Variants in RGS6 observed in about 807,000 individuals in gnomAD.
RGS6 encodes regulator of G protein signaling 6.
Under a neutral mutation model 78.5 loss-of-function variants are expected in RGS6, and 30 were observed. The ratio of observed to expected loss-of-function variants is 0.38; its 90% confidence interval spans 0.29 to 0.52. The LOEUF (loss-of-function observed/expected upper bound fraction) is 0.52. RGS6 is among the 20% of genes least tolerant of loss of function. The pLI is 0.85. For synonymous variants in RGS6, 206 were observed against 206.0 expected, an observed-to-expected ratio of 1.00 and a Z score of 0.00; for missense variants, 495 against 609.7, an observed-to-expected ratio of 0.81 and a Z score of 1.98.
intron 14 of RGS6, among the ~76,000 whole-genome samples, chr14:72,517,135 TA>T (rs34414996): frequency 0.019 from 2,660 of 142,256 alleles, 65 homozygotes; most frequent in African/African-American, 0.06. Flanking sequence ...TGTTTAACCC[TA>T]AAAAAAAAAA....
At position 72,388,255 on chromosome 14, in the gene RGS6, TATATACAC is replaced by T. The variant is rs1363910219; in HGVS notation, c.184+36075_184+36082del. Among the ~76,000 whole-genome samples, 8 of 152,292 alleles carry T rather than the reference TATATACAC, an allele frequency of 5.3e-5. No individual in the cohort carries two copies. In the East Asian group the frequency reaches 9.6e-4, roughly 18 times the overall value. On this transcript the variant is annotated intron_variant, in intron 3 of 17. Transcript: ENST00000553525. ...GAAAACACACACACATACACATATA[TATATACAC>T]ATATACACATATATATACACATATG... is the stretch of plus-strand genomic sequence containing the variant.
At position 72,459,800 on chromosome 14, in the gene RGS6, T is replaced by C. The variant is rs891232533; in HGVS notation, c.394+117T>C. ...GGTACATGGGGAGGAGGGTCCTTTC[T>C]GCTTAGTCCTTTCTCATATTGTTGC... On this transcript the variant is annotated intron_variant, in intron 6 of 17. Coordinates refer to ENST00000553525, the MANE Select transcript of RGS6 (RefSeq NM_001204424.2). 3 of 968,338 alleles carry C rather than the reference T, an allele frequency of 3.1e-6. No individual in the cohort carries two copies. The East Asian group carries it at 7.2e-5, about 23-fold the overall frequency. 60.0% of individuals were successfully genotyped at this position (968,338 alleles called of 1,614,324 possible).
At chr14:72,612,288 G>A in the RGS6 span, among the ~76,000 whole-genome samples, 1 of 152,144 alleles carries the variant, frequency 6.6e-6, no homozygotes, top group South Asian at 2.1e-4. Context: ...AATGCCATGT[G>A]GACCAGACGC....
chr14:72,257,279 C>T (rs2057276991), intron 2 of RGS6, among the ~76,000 whole-genome samples: 1 of 152,168 alleles, frequency 6.6e-6, no homozygotes, highest in Non-Finnish European at 1.5e-5. Flanking sequence ...TTAAAGCAGG[C>T]TCATTATTTC....
chr14:72,043,765 T>A (rs1049821147), intron 2 of RGS6, among the ~76,000 whole-genome samples: 5 of 152,230 alleles, frequency 3.3e-5, no homozygotes, highest in African/African-American at 1.2e-4. Flanking sequence ...GGTATTTTGG[T>A]GTCTGTCATT....
chr14:72,230,900 G>T (rs983604834), intron 2 of RGS6, among the ~76,000 whole-genome samples: 1 of 152,128 alleles, frequency 6.6e-6, no homozygotes, highest in African/African-American at 2.4e-5. Context: ...ACTGGGTACC[G>T]TAGCCTTGCC....
the RGS6 span, among the ~76,000 whole-genome samples, chr14:72,595,380 A>G: frequency 6.6e-6 from 1 of 152,136 alleles, no homozygotes; most frequent in South Asian, 2.1e-4. Context: ...GGTAAGATGA[A>G]CTGTCCAAAG....
chr14:72,072,945 G>T (rs1321060243), intron 2 of RGS6, among the ~76,000 whole-genome samples: 1 of 152,192 alleles, frequency 6.6e-6, no homozygotes. Flanking sequence ...ACTCCCATAA[G>T]CTCTGATTTA....
chr14:72,556,177 A>G (rs2097572090), intron 17 of RGS6, among the ~76,000 whole-genome samples: 1 of 152,230 alleles, frequency 6.6e-6, no homozygotes, highest in South Asian at 2.1e-4. Context: ...GAAATACCTG[A>G]GACTGGGTAA....
intron 2 of RGS6, among the ~76,000 whole-genome samples, chr14:72,014,229 T>C (rs2086479267): frequency 6.6e-6 from 1 of 152,196 alleles, no homozygotes; most frequent in Non-Finnish European, 1.5e-5. Context: ...TGTTGACAGT[T>C]AAGAGAGGAA....
intron 2 of RGS6, among the ~76,000 whole-genome samples, chr14:72,280,765 C>T (rs1446238335): frequency 6.6e-6 from 1 of 152,196 alleles, no homozygotes; most frequent in Non-Finnish European, 1.5e-5. Flanking sequence ...CATGCTGAAA[C>T]AGAGGTTACT....
intron 3 of RGS6, among the ~76,000 whole-genome samples, chr14:72,414,935 G>C (rs2093692873): frequency 6.6e-6 from 1 of 152,194 alleles, no homozygotes; most frequent in African/African-American, 2.4e-5. Context: ...GGGAGTACCT[G>C]GTTGTGTGAG....
chr14:72,197,127 A>G (rs927868051), intron 2 of RGS6, among the ~76,000 whole-genome samples: 9 of 152,246 alleles, frequency 5.9e-5, no homozygotes, highest in African/African-American at 2.2e-4. Flanking sequence ...GTGCAGTGGC[A>G]CAATCTTGGC....
At chr14:72,237,004 C>A (rs1302973692) in intron 2 of RGS6, among the ~76,000 whole-genome samples, 3 of 152,174 alleles carry the variant, frequency 2.0e-5, no homozygotes, top group Non-Finnish European at 4.4e-5. Context: ...AACCCATGTT[C>A]TGATTTTTTT....
intron 2 of RGS6, among the ~76,000 whole-genome samples, chr14:72,219,577 T>A (rs1327658573): frequency 6.6e-6 from 1 of 152,190 alleles, no homozygotes; most frequent in Non-Finnish European, 1.5e-5. Context: ...TGACTTAATT[T>A]TTTTCTCATC....
the RGS6 span, among the ~76,000 whole-genome samples, chr14:72,605,295 C>G: frequency 6.6e-6 from 1 of 152,194 alleles, no homozygotes; most frequent in Admixed American, 6.5e-5. Flanking sequence ...GGAGCAGGAG[C>G]AGGAGGAGGG....
At chr14:72,392,876 G>A (rs1190487455) in intron 3 of RGS6, among the ~76,000 whole-genome samples, 1 of 152,124 alleles carries the variant, frequency 6.6e-6, no homozygotes, top group Non-Finnish European at 1.5e-5. Flanking sequence ...AGTTGTACCG[G>A]GAAAAACTGA....
chr14:72,585,467 G>A, the RGS6 span, among the ~76,000 whole-genome samples: 1 of 152,228 alleles, frequency 6.6e-6, no homozygotes, highest in African/African-American at 2.4e-5. Flanking sequence ...AGAGGAAGTT[G>A]AGCTGCAACA....
At chr14:72,286,202 G>A (rs1271802897) in intron 2 of RGS6, among the ~76,000 whole-genome samples, 2 of 152,140 alleles carry the variant, frequency 1.3e-5, no homozygotes, top group Non-Finnish European at 2.9e-5. Flanking sequence ...TATAAAGTAA[G>A]CATTCAATTT....
Sources: gnomAD v4.1 joint callset for allele counts (sites outside exome capture counted in the v4.1 genomes callset) on GRCh38, gnomAD v4.1.1 for gene constraint, MANE v1.5 for transcripts, NCBI Gene and HGNC (gene_info 2026-07-23, HGNC 2026-07-21) for gene names.